Variants in DACH1 observed in about 807,000 individuals in gnomAD.
DACH1 encodes dachshund family transcription factor 1.
In DACH1, 12 loss-of-function variants were observed where a neutral mutation model predicts 54.2. The observed-to-expected ratio is 0.22, with a 90% CI of 0.14 to 0.36. DACH1 has a LOEUF of 0.36. DACH1 is among the 10% of genes least tolerant of loss of function. The pLI is 1.00. For synonymous variants in DACH1, 386 were observed against 366.2 expected (o/e 1.05, Z -0.62); for missense variants, 805 against 929.8 (o/e 0.87, Z 1.75).
At chr13:71,686,920 G>C (rs896882496) in intron 1 of DACH1, among the ~76,000 whole-genome samples, 2 of 152,110 alleles carry the variant, frequency 1.3e-5, no homozygotes, top group African/African-American at 2.4e-5. Flanking sequence ...CTAGACATTA[G>C]GGTTTCAATA....
At chr13:71,475,601 T>C in intron 9 of DACH1, 105 bp downstream of exon 9, 1 of 1,318,172 alleles carries the variant, frequency 7.6e-7, no homozygotes, top group Non-Finnish European at 1.0e-6. Flanking sequence ...TATAGCTGAA[T>C]GAATCACAAG....
chr13:71,540,074 T>C lies in DACH1; in HGVS notation c.1570+16950A>G, dbSNP rs796152889. 5.9e-5 allele frequency among the ~76,000 whole-genome samples: 9 copies of C among 151,940 alleles called. 1 individual carries two copies. The South Asian group carries it at 1.9e-3, about 31-fold the overall frequency. On this transcript the variant is annotated intron_variant, in intron 6 of 10. Transcript: ENST00000613252. ...CTTCCATGTCATTTATTCTATATTG[T>C]ATATCATATTTATTTATAATATAAA... is the stretch of plus-strand genomic sequence containing the variant.
chr13:71,553,546 GT>G (rs1884036502), intron 6 of DACH1, among the ~76,000 whole-genome samples: 2 of 139,380 alleles, frequency 1.4e-5, no homozygotes, highest in South Asian at 4.5e-4. Context: ...TAAAACTTTT[GT>G]TTTATATATA....
intron 1 of DACH1, among the ~76,000 whole-genome samples, chr13:71,863,795 T>C (rs754445574): frequency 6.6e-6 from 1 of 150,538 alleles, no homozygotes; most frequent in Non-Finnish European, 1.5e-5. Context: ...TTTACGTGTG[T>C]GTATGTGAAA....
chr13:71,540,463 GT>G (rs1883061145), intron 6 of DACH1, among the ~76,000 whole-genome samples: 1 of 152,054 alleles, frequency 6.6e-6, no homozygotes, highest in Admixed American at 6.6e-5. Flanking sequence ...TGCCTCTTTT[GT>G]TTTAACTATA....
At chr13:71,863,528 A>G (rs1306547805) in intron 1 of DACH1, among the ~76,000 whole-genome samples, 2 of 152,210 alleles carry the variant, frequency 1.3e-5, no homozygotes, top group African/African-American at 4.8e-5. Flanking sequence ...TAGTGATGAG[A>G]TATTTGTGAA....
chr13:71,734,919 A>C (rs973961592), intron 1 of DACH1, among the ~76,000 whole-genome samples: 1 of 149,456 alleles, frequency 6.7e-6, no homozygotes, highest in Non-Finnish European at 1.5e-5. Context: ...TATCCCATAT[A>C]TGTATATATA....
chr13:71,554,489 T>C (rs1354336049), intron 6 of DACH1, among the ~76,000 whole-genome samples: 1 of 152,158 alleles, frequency 6.6e-6, no homozygotes, highest in African/African-American at 2.4e-5. Context: ...ATTAGTGATA[T>C]AGTAAGTTTT....
intron 2 of DACH1, among the ~76,000 whole-genome samples, chr13:71,680,295 T>C (rs1285412262): frequency 6.6e-6 from 1 of 152,142 alleles, no homozygotes; most frequent in Non-Finnish European, 1.5e-5. Context: ...GAATTTTCAA[T>C]TATTTACTAT....
chr13:71,468,324 A>G (rs1383904217), intron 10 of DACH1, among the ~76,000 whole-genome samples: 1 of 152,130 alleles, frequency 6.6e-6, no homozygotes, highest in African/African-American at 2.4e-5. Context: ...CTTTACATGG[A>G]TTATTTTATT....
intron 4 of DACH1, among the ~76,000 whole-genome samples, chr13:71,563,352 G>C (rs1333012211): frequency 6.6e-6 from 1 of 151,950 alleles, no homozygotes; most frequent in African/African-American, 2.4e-5. Flanking sequence ...AAATGATTTT[G>C]CAAGTCTGAT....
chr13:71,799,520 C>T (rs948496152), intron 1 of DACH1, among the ~76,000 whole-genome samples: 2 of 152,112 alleles, frequency 1.3e-5, no homozygotes, highest in African/African-American at 4.8e-5. Flanking sequence ...ATAGCTTACA[C>T]CATTTGCCAC....
In DACH1 at chr13:71,609,644, G is replaced by A. The variant is rs143984581; in HGVS notation, c.1126+20912C>T. Among the ~76,000 whole-genome samples the A allele has an allele frequency of 7.4e-3, 1,129 of 151,944 alleles. 12 individuals carry two copies. The highest frequency in any genetic ancestry group is 0.024 in the African/African-American group (1,005 of 41,428). On this transcript the variant is annotated intron_variant, in intron 3 of 10. Transcript: ENST00000613252. ...AGGTTCAAGTGATTCTCCTGCCTCA[G>A]CCTCCTGAGTACCTGGGATTACACG...
At chr13:71,721,245 C>T (rs1005336351) in intron 1 of DACH1, among the ~76,000 whole-genome samples, 5 of 152,208 alleles carry the variant, frequency 3.3e-5, no homozygotes, top group South Asian at 2.1e-4. Context: ...AGGATGACAA[C>T]CACCTAACCT....
chr13:71,655,660 T>G (rs1055745897), intron 2 of DACH1, among the ~76,000 whole-genome samples: 3 of 152,146 alleles, frequency 2.0e-5, no homozygotes, highest in African/African-American at 7.2e-5. Flanking sequence ...CGTGAGCCAC[T>G]GAGCCTGGCT....
At chr13:71,568,968 T>C (rs892089546) in intron 4 of DACH1, among the ~76,000 whole-genome samples, 2 of 151,876 alleles carry the variant, frequency 1.3e-5, no homozygotes, top group African/African-American at 4.8e-5. Context: ...GTCTAAAGAG[T>C]ATGTCAATTT....
At position 71,664,243 on chromosome 13, in the gene DACH1, G is replaced by T. The variant is rs537913088; in HGVS notation, c.964+17552C>A. Among the ~76,000 whole-genome samples the T allele has an allele frequency of 1.2e-4, 18 of 152,088 alleles. 1 individual carries two copies. The South Asian group carries it at 3.7e-3, about 32-fold the overall frequency. ...AACTGTCAAAATTAAGCAGAGGTGA[G>T]TCAAGTCAAGGTCCTAATATTCAAA... On this transcript the variant is annotated intron_variant, in intron 2 of 10. Transcript: ENST00000613252.
chr13:71,462,611 G>A (rs986347630), intron 10 of DACH1, among the ~76,000 whole-genome samples: 4 of 151,778 alleles, frequency 2.6e-5, no homozygotes, highest in African/African-American at 9.7e-5. Flanking sequence ...TTAAATTTGT[G>A]CATAATTGTA....
chr13:71,558,730 A>G (rs1884409354), intron 5 of DACH1, among the ~76,000 whole-genome samples: 1 of 152,040 alleles, frequency 6.6e-6, no homozygotes, highest in Non-Finnish European at 1.5e-5. Context: ...GCAAGTATAT[A>G]TATTTAGTAT....
Sources: allele counts gnomAD v4.1 joint callset (sites outside exome capture counted in the v4.1 genomes callset), GRCh38; gene constraint gnomAD v4.1.1; transcripts MANE v1.5; gene names NCBI Gene and HGNC (gene_info 2026-07-23, HGNC 2026-07-21).